The following NTN4 variants were observed in gnomAD, a reference collection of about 807,000 sequenced individuals.
The protein encoded by NTN4 is netrin-4.
NTN4 carries 32 observed loss-of-function variants against 73.6 expected under a neutral mutation model. That is an observed-to-expected ratio of 0.44 (90% CI 0.33 to 0.58). The LOEUF is 0.58. NTN4 is among the 20% of genes least tolerant of loss of function. The pLI is 0.04. For synonymous variants in NTN4, 258 were observed against 287.5 expected, an observed-to-expected ratio of 0.90 and a Z score of 1.04; for missense variants, 654 against 798.3, an observed-to-expected ratio of 0.82 and a Z score of 2.18.
At chr12:95,776,026 C>G (rs2079089502) in intron 2 of NTN4, among the ~76,000 whole-genome samples, 1 of 152,234 alleles carries the variant, frequency 6.6e-6, no homozygotes, top group Non-Finnish European at 1.5e-5. Context: ...TCTGTAGCCT[C>G]CGCTGCTGAC....
intron 7 of NTN4, chr12:95,672,276 A>C: frequency 1.3e-6 from 1 of 742,166 alleles, no homozygotes; most frequent in South Asian, 1.4e-5. Flanking sequence ...TCTGAACCCC[A>C]GCTGGCACTG....
At chr12:95,678,553 G>A (rs1404249650) in intron 7 of NTN4, among the ~76,000 whole-genome samples, 3 of 152,030 alleles carry the variant, frequency 2.0e-5, no homozygotes, top group Non-Finnish European at 2.9e-5. Flanking sequence ...ATCAAAAATC[G>A]ATATCAAGTT....
chr12:95,726,980 A>T (rs1416091947), intron 3 of NTN4, among the ~76,000 whole-genome samples: 6 of 151,854 alleles, frequency 4.0e-5, no homozygotes, highest in Admixed American at 3.9e-4. Flanking sequence ...AAAAAAAAAA[A>T]ATTTTTTTGG....
chr12:95,701,540 T>C (rs2078484826), intron 5 of NTN4, among the ~76,000 whole-genome samples: 1 of 152,238 alleles, frequency 6.6e-6, no homozygotes, highest in African/African-American at 2.4e-5. Context: ...TGTAGTTGAT[T>C]GTGCTGGGTC....
At chr12:95,715,722 AT>A (rs572291268) in intron 3 of NTN4, among the ~76,000 whole-genome samples, 220 of 152,236 alleles carry the variant, frequency 1.4e-3, no homozygotes, top group Admixed American at 3.0e-3. Context: ...TTTCCTATCC[AT>A]TTTTTATTAT....
chr12:95,692,089 G>T (rs1166021974), intron 5 of NTN4, among the ~76,000 whole-genome samples: 1 of 152,138 alleles, frequency 6.6e-6, no homozygotes, highest in African/African-American at 2.4e-5. Flanking sequence ...AGGTTGGAGT[G>T]CAATGGTGTG....
chr12:95,704,287 G>T (rs546550734), intron 5 of NTN4, among the ~76,000 whole-genome samples: 15 of 152,110 alleles, frequency 9.9e-5, no homozygotes, highest in Non-Finnish European at 1.8e-4. Flanking sequence ...TGTACTTGTT[G>T]TTGATGGAAC....
chr12:95,749,594 C>T (rs959625979), intron 2 of NTN4, among the ~76,000 whole-genome samples: 1 of 152,188 alleles, frequency 6.6e-6, no homozygotes. Context: ...AACTCTGGCG[C>T]CGGTCACGGA....
chr12:95,771,175 G>C (rs1409028413), intron 2 of NTN4, among the ~76,000 whole-genome samples: 4 of 151,992 alleles, frequency 2.6e-5, no homozygotes, highest in Admixed American at 6.5e-5. Context: ...ATTTTTAGTA[G>C]AGACGGGGTT....
chr12:95,754,019 T>C (rs1026260249), intron 2 of NTN4, among the ~76,000 whole-genome samples: 11 of 152,310 alleles, frequency 7.2e-5, no homozygotes, highest in Admixed American at 2.0e-4. Flanking sequence ...TATCTCCTGG[T>C]GCTATCCCCA....
At chr12:95,756,611 C>T (rs763984593) in intron 2 of NTN4, among the ~76,000 whole-genome samples, 2 of 152,118 alleles carry the variant, frequency 1.3e-5, no homozygotes, top group African/African-American at 2.4e-5. Context: ...TCACCATGCT[C>T]GGCCCACACT....
intron 3 of NTN4, among the ~76,000 whole-genome samples, chr12:95,736,051 G>A (rs1237437125): frequency 1.3e-5 from 2 of 151,946 alleles, no homozygotes; most frequent in South Asian, 2.1e-4. Context: ...TGATTGTTGT[G>A]CCTCAGCCTC....
At chr12:95,737,826 T>C (rs2078789726) in intron 3 of NTN4, 40 bp downstream of exon 3, 8 of 1,579,440 alleles carry the variant, frequency 5.1e-6, no homozygotes, top group Middle Eastern at 3.4e-4. Context: ...GAAGGTAACT[T>C]ATGATTTGTT....
intron 2 of NTN4, among the ~76,000 whole-genome samples, chr12:95,756,473 A>C (rs2078947817): frequency 6.6e-6 from 1 of 152,086 alleles, no homozygotes; most frequent in African/African-American, 2.4e-5. Context: ...TGTTTTTGTC[A>C]ATCTCCCTTC....
chr12:95,719,928 T>C (rs1303320301), intron 3 of NTN4, among the ~76,000 whole-genome samples: 1 of 152,170 alleles, frequency 6.6e-6, no homozygotes, highest in Non-Finnish European at 1.5e-5. Flanking sequence ...TACTGCTTAT[T>C]CTTTGTCTAT....
At chr12:95,726,623 A>G (rs1387758046) in intron 3 of NTN4, among the ~76,000 whole-genome samples, 1 of 152,176 alleles carries the variant, frequency 6.6e-6, no homozygotes, top group South Asian at 2.1e-4. Context: ...ACTTGTGTAT[A>G]TACTGAGGGG....
rs878915660 is a variant in NTN4, at chr12:95,790,385, C to G, written c.-76G>C. ...GAGACCTCTGGGCTGCGGGATGAAG[C>G]GCCGCCGTCCTCGGGAGGGAACGGG... On this transcript the variant is annotated 5_prime_UTR_variant, in exon 1 of 10. Transcript: ENST00000343702. This position sits in a 1 kb window ranked among gnomAD's most constrained non-coding sequence, Gnocchi z 6.5. 1.8e-5 allele frequency: 23 copies of G among 1,275,698 alleles called. No homozygotes were observed. In the African/African-American group the frequency reaches 2.8e-4, roughly 16 times the overall value. 79.0% of individuals were successfully genotyped at this position (1,275,698 alleles called of 1,614,324 possible).
At chr12:95,686,282 G>T (rs553999196) in intron 5 of NTN4, among the ~76,000 whole-genome samples, 1 of 152,314 alleles carries the variant, frequency 6.6e-6, no homozygotes, top group East Asian at 1.9e-4. Context: ...AAACAGAGAA[G>T]TAAATAAAAG....
At chr12:95,718,184 GAGACATAAGAATTT>G (rs1484479411) in intron 3 of NTN4, among the ~76,000 whole-genome samples, 1 of 152,186 alleles carries the variant, frequency 6.6e-6, no homozygotes, top group Non-Finnish European at 1.5e-5. Flanking sequence ...TTTGAGGCAA[GAGACATAAGAATTT>G]AGGTCAGGGG....
Sources: gnomAD v4.1 joint callset for allele counts (sites outside exome capture counted in the v4.1 genomes callset) on GRCh38, gnomAD v4.1.1 for gene constraint, Gnocchi (gnomAD v3.1) non-coding constraint, MANE v1.5 for transcripts, NCBI Gene and HGNC (gene_info 2026-07-23, HGNC 2026-07-21) for gene names.